The following ATP2B2 variants were observed in gnomAD, a reference collection of about 807,000 sequenced individuals.
ATP2B2 encodes plasma membrane calcium-transporting ATPase 2.
Under a neutral mutation model 120.0 loss-of-function variants are expected in ATP2B2, and 15 were observed. The observed-to-expected ratio is 0.12, with a 90% CI of 0.08 to 0.19. The LOEUF is 0.19. ATP2B2 is among the 10% of genes least tolerant of loss of function. The probability of loss-of-function intolerance (pLI) is 1.00; values close to 1 mark genes in which losing one functional copy is unlikely to be tolerated. For synonymous variants in ATP2B2, 694 were observed against 700.3 expected (o/e 0.99, Z 0.14); for missense variants, 1,045 against 1,719.8 (o/e 0.61, Z 6.94).
intron 2 of ATP2B2, among the ~76,000 whole-genome samples, chr3:10,550,626 G>A (rs1045783472): frequency 1.3e-5 from 2 of 152,152 alleles, no homozygotes; most frequent in African/African-American, 4.8e-5. Context: ...TACAGGTTCT[G>A]ATGCACAGAA....
intron 2 of ATP2B2, among the ~76,000 whole-genome samples, chr3:10,540,036 A>C (rs1319792467): frequency 6.6e-6 from 1 of 152,178 alleles, no homozygotes; most frequent in Non-Finnish European, 1.5e-5. Context: ...ATATCAAACA[A>C]CCCCATCAAA....
At chr3:10,436,685 G>A (rs888309591) in intron 2 of ATP2B2, among the ~76,000 whole-genome samples, 5 of 152,202 alleles carry the variant, frequency 3.3e-5, no homozygotes, top group Non-Finnish European at 7.3e-5. Flanking sequence ...CCAACTTGGA[G>A]AGCCCACTCC....
intron 1 of ATP2B2, among the ~76,000 whole-genome samples, chr3:10,466,678 CTT>C (rs907241799): frequency 2.6e-5 from 4 of 152,202 alleles, no homozygotes; most frequent in South Asian, 4.1e-4. Flanking sequence ...CAACAGATGA[CTT>C]TAGCTTGCAG....
chr3:10,378,474 C>T (rs1264465402), intron 9 of ATP2B2, 64 bp from the exon 10 acceptor site: 12 of 1,593,904 alleles, frequency 7.5e-6, no homozygotes, highest in Non-Finnish European at 8.5e-6. Flanking sequence ...CAGGTCAGCC[C>T]ACAGGGTGGA....
At chr3:10,502,108 G>A (rs1033148775) in intron 1 of ATP2B2, among the ~76,000 whole-genome samples, 1 of 152,184 alleles carries the variant, frequency 6.6e-6, no homozygotes, top group African/African-American at 2.4e-5. Flanking sequence ...TCTGCACATA[G>A]CATAAGCCAC....
chr3:10,417,402 T>C (rs2062829256), intron 2 of ATP2B2, among the ~76,000 whole-genome samples: 1 of 152,172 alleles, frequency 6.6e-6, no homozygotes, highest in Non-Finnish European at 1.5e-5. Flanking sequence ...GACTTTCTAA[T>C]GGGTGAGCTG....
chr3:10,538,070 G>A (rs1213483092), intron 2 of ATP2B2, among the ~76,000 whole-genome samples: 1 of 152,192 alleles, frequency 6.6e-6, no homozygotes, highest in African/African-American at 2.4e-5. Context: ...ATTTTCACAT[G>A]TATACACATG....
At chr3:10,450,090 C>A (rs1475511714) in intron 1 of ATP2B2, among the ~76,000 whole-genome samples, 3 of 152,162 alleles carry the variant, frequency 2.0e-5, no homozygotes, top group Non-Finnish European at 4.4e-5. Context: ...CTCTAACTCC[C>A]TATTTGTGTG....
At chr3:10,619,401 C>T (rs1028494516) in intron 2 of ATP2B2, among the ~76,000 whole-genome samples, 10 of 152,308 alleles carry the variant, frequency 6.6e-5, no homozygotes, top group South Asian at 6.2e-4. Flanking sequence ...ACCGAAAATG[C>T]CCCTCAGTGG....
rs541699237 is a variant in ATP2B2 at position 10,553,187 on chromosome 3, C to G, written c.-414-19054G>C. Among the ~76,000 whole-genome samples, 390 of 152,308 alleles carry G rather than the reference C, an allele frequency of 2.6e-3. 1 individual carries two copies. The highest frequency in any genetic ancestry group is 8.9e-3 in the African/African-American group (368 of 41,554). ...ATTTACTAAAATAGCTTAGTGAAGACAACACAAATAAGTCTGAGAATTGCA... is the reference window on the plus strand; with the variant it reads ...ATTTACTAAAATAGCTTAGTGAAGAGAACACAAATAAGTCTGAGAATTGCA... On this transcript the variant is annotated intron_variant, in intron 2 of 21. Transcript: ENST00000646379.
chr3:10,566,721 A>T (rs2068017657), intron 2 of ATP2B2, among the ~76,000 whole-genome samples: 2 of 152,268 alleles, frequency 1.3e-5, no homozygotes, highest in African/African-American at 4.8e-5. Context: ...TTACTAACAC[A>T]GACAGGGTGG....
chr3:10,402,400 C>G lies in ATP2B2; in HGVS notation c.398-52G>C. On this transcript the variant is annotated intron_variant, in intron 3 of 22. Transcript: ENST00000360273. The surrounding 1 kb of genome is among the most constrained non-coding windows in gnomAD (Gnocchi z 4.9). ...AGTGAGGTCAACCAGACAGGAGAGG[C>G]CTCATGGGCCTGGATTTACAGCTCA... is the stretch of plus-strand genomic sequence containing the variant. 2 of 1,605,912 alleles carry G rather than the reference C, an allele frequency of 1.2e-6. No homozygotes were observed. The highest frequency in any genetic ancestry group is 1.7e-6 in the Non-Finnish European group (2 of 1,179,254).
Position 10,325,979 on chromosome 3 carries a change from CTTTT to C in ATP2B2, c.*2831_*2834del, listed in dbSNP as rs1016945541. ...ATGTTCTGTTTGATGTTGTTTTTTG[CTTTT>C]TTTTTTAAACCACAAACATTTCAGA... On this transcript the variant is annotated 3_prime_UTR_variant, in exon 23 of 23. Transcript: ENST00000360273. 3 of 148,482 alleles carry C rather than the reference CTTTT, an allele frequency of 2.0e-5. No individual in the cohort carries two copies. The East Asian group carries it at 5.8e-4, about 29-fold the overall frequency. 9.2% of individuals were successfully genotyped at this position (148,482 alleles called of 1,614,324 possible).
intron 2 of ATP2B2, among the ~76,000 whole-genome samples, chr3:10,560,132 T>C (rs555878252): frequency 1.3e-5 from 2 of 152,294 alleles, no homozygotes; most frequent in South Asian, 4.1e-4. Flanking sequence ...CTGGGGATAA[T>C]GAGATGGGAG....
At chr3:10,554,920 G>C (rs1343089042) in intron 2 of ATP2B2, among the ~76,000 whole-genome samples, 1 of 152,178 alleles carries the variant, frequency 6.6e-6, no homozygotes, top group African/African-American at 2.4e-5. Flanking sequence ...ACCTGCCAGG[G>C]AGTTGGAACT....
intron 1 of ATP2B2, among the ~76,000 whole-genome samples, chr3:10,664,333 C>G (rs544248288): frequency 6.6e-6 from 1 of 152,182 alleles, no homozygotes; most frequent in Admixed American, 6.5e-5. Flanking sequence ...TTATCCTTAA[C>G]AACAGAGTAG....
chr3:10,686,157 A>T (rs1167778373), intron 1 of ATP2B2, among the ~76,000 whole-genome samples: 1 of 147,044 alleles, frequency 6.8e-6, no homozygotes, highest in Admixed American at 6.9e-5. Context: ...TAATTTCTCT[A>T]AACACAGACA....
chr3:10,526,362 C>T (rs921784695), intron 3 of ATP2B2, among the ~76,000 whole-genome samples: 2 of 152,168 alleles, frequency 1.3e-5, no homozygotes, highest in African/African-American at 4.8e-5. Context: ...AGCTGGGGTT[C>T]CAATCATTCC....
intron 2 of ATP2B2, among the ~76,000 whole-genome samples, chr3:10,584,329 A>G (rs2068458531): frequency 1.3e-5 from 2 of 152,160 alleles, no homozygotes; most frequent in Non-Finnish European, 1.5e-5. Flanking sequence ...GAGTCCAGCT[A>G]ATCCCCTGGG....
Sources: allele counts gnomAD v4.1 joint callset (sites outside exome capture counted in the v4.1 genomes callset), GRCh38; gene constraint gnomAD v4.1.1; non-coding constraint Gnocchi (gnomAD v3.1); transcripts MANE v1.5; gene names NCBI Gene and HGNC (gene_info 2026-07-23, HGNC 2026-07-21).